The following PDE1C variants were observed in gnomAD, a reference collection of about 807,000 sequenced individuals.
The protein encoded by PDE1C is dual specificity calcium/calmodulin-dependent 3',5'-cyclic nucleotide phosphodiesterase 1C.
Under a neutral mutation model 93.1 loss-of-function variants are expected in PDE1C, and 62 were observed. The ratio of observed to expected loss-of-function variants is 0.67; its 90% CI spans 0.54 to 0.82. PDE1C has a LOEUF of 0.82. Ranked by LOEUF, PDE1C falls within the 40% of genes least tolerant of loss-of-function variation. The pLI is 0.00. For missense variants in PDE1C, 742 were observed against 884.6 expected (o/e 0.84, Z 2.04); for synonymous variants, 325 against 310.1 (o/e 1.05, Z -0.50).
intron 3 of PDE1C, among the ~76,000 whole-genome samples, chr7:32,145,850 G>A (rs1041475054): frequency 1.3e-5 from 2 of 152,070 alleles, no homozygotes; most frequent in African/African-American, 2.4e-5. Flanking sequence ...AGGGTTGAAC[G>A]TCCAGACTTC....
intron 1 of PDE1C, among the ~76,000 whole-genome samples, chr7:32,376,791 C>T (rs2128089147): frequency 6.6e-6 from 1 of 152,234 alleles, no homozygotes; most frequent in South Asian, 2.1e-4. Context: ...AGGTTCACGC[C>T]ATTCTCCCGC....
intron 1 of PDE1C, among the ~76,000 whole-genome samples, chr7:32,272,874 G>C (rs964162011): frequency 3.9e-5 from 6 of 152,206 alleles, no homozygotes; most frequent in African/African-American, 1.4e-4. Flanking sequence ...TTCTTATTGT[G>C]TATAAATATT....
intron 1 of PDE1C, among the ~76,000 whole-genome samples, chr7:32,297,234 C>A (rs1812649417): frequency 6.6e-6 from 1 of 152,114 alleles, no homozygotes; most frequent in Admixed American, 6.6e-5. Context: ...ACAAAAGAGG[C>A]CCTGAGATGA....
At chr7:32,398,686 G>A (rs750198993) in intron 1 of PDE1C, among the ~76,000 whole-genome samples, 10 of 152,092 alleles carry the variant, frequency 6.6e-5, no homozygotes, top group African/African-American at 1.2e-4. Flanking sequence ...ACGGTGCCCG[G>A]CCAGAACTGT....
chr7:31,703,202 C>T, the PDE1C span, among the ~76,000 whole-genome samples: 1 of 152,238 alleles, frequency 6.6e-6, no homozygotes, highest in Non-Finnish European at 1.5e-5. Flanking sequence ...TCCTTCCATT[C>T]TCTGTTCAAT....
the PDE1C span, among the ~76,000 whole-genome samples, chr7:31,722,558 G>A: frequency 1.3e-5 from 2 of 152,176 alleles, no homozygotes; most frequent in Non-Finnish European, 2.9e-5. Context: ...TATAACAAGG[G>A]AGCCTGACCT....
chr7:32,387,553 G>GC (rs558164775), intron 1 of PDE1C, among the ~76,000 whole-genome samples: 8 of 125,464 alleles, frequency 6.4e-5, no homozygotes, highest in African/African-American at 1.3e-4. Context: ...GGGCAGAGGG[G>GC]TCCTCACTTC....
At chr7:32,074,220 T>TA (rs11395554), upstream of PDE1C, among the ~76,000 whole-genome samples, 2,216 of 151,306 alleles carry the variant, frequency 0.015, 52 homozygotes, top group African/African-American at 0.048. Flanking sequence ...GTTAATCTGA[T>TA]AAAAAAAAAT....
chr7:32,158,553 G>A (rs1370656541), intron 3 of PDE1C, among the ~76,000 whole-genome samples: 1 of 152,074 alleles, frequency 6.6e-6, no homozygotes, highest in Non-Finnish European at 1.5e-5. Flanking sequence ...CAACCATGTG[G>A]GAAAGCATAT....
intron 3 of PDE1C, among the ~76,000 whole-genome samples, chr7:32,142,561 T>C (rs1381522970): frequency 6.6e-6 from 1 of 152,180 alleles, no homozygotes; most frequent in Non-Finnish European, 1.5e-5. Flanking sequence ...ACAGGGACAC[T>C]ATCACTCAGT....
intron 1 of PDE1C, among the ~76,000 whole-genome samples, chr7:32,406,606 A>G (rs894323698): frequency 2.0e-5 from 3 of 152,060 alleles, no homozygotes; most frequent in Admixed American, 1.3e-4. Flanking sequence ...ATGAAAAGCA[A>G]TATTTTTCAG....
At chr7:31,651,930 T>C in the PDE1C span, 2 of 1,569,886 alleles carry the variant, frequency 1.3e-6, no homozygotes, top group Non-Finnish European at 1.7e-6. Context: ...TTCTATTATT[T>C]ACTTGCAGGG....
the PDE1C span, among the ~76,000 whole-genome samples, chr7:31,684,274 A>G: frequency 1.3e-5 from 2 of 152,246 alleles, no homozygotes; most frequent in African/African-American, 2.4e-5. Flanking sequence ...GTCTTTGAAA[A>G]TATTCCCTTT....
intron 1 of PDE1C, among the ~76,000 whole-genome samples, chr7:32,227,874 C>T (rs962827756): frequency 2.0e-5 from 3 of 152,172 alleles, no homozygotes; most frequent in South Asian, 4.1e-4. Context: ...GGGAGGGGTG[C>T]ATCTGGGGAA....
intron 2 of PDE1C, among the ~76,000 whole-genome samples, chr7:31,941,943 T>C (rs1372716519): frequency 1.3e-5 from 2 of 152,140 alleles, no homozygotes; most frequent in African/African-American, 4.8e-5. Context: ...AATTATACAA[T>C]AAATACTGTA....
intron 16 of PDE1C, among the ~76,000 whole-genome samples, chr7:31,806,041 G>A (rs1786782387): frequency 6.6e-6 from 1 of 151,898 alleles, no homozygotes; most frequent in South Asian, 2.1e-4. Context: ...TTCATAGACT[G>A]TCTTGCCGAC....
intron 1 of PDE1C, among the ~76,000 whole-genome samples, chr7:32,413,976 G>A (rs1276593578): frequency 6.6e-6 from 1 of 152,086 alleles, no homozygotes; most frequent in East Asian, 1.9e-4. Context: ...ACTTTCAGAG[G>A]CTGAGGCAGG....
At chr7:32,379,018 T>A (rs1283074201) in intron 1 of PDE1C, among the ~76,000 whole-genome samples, 2 of 152,218 alleles carry the variant, frequency 1.3e-5, no homozygotes, top group Non-Finnish European at 1.5e-5. Flanking sequence ...CCATTGCTCT[T>A]ATTATGAAGT....
the PDE1C span, among the ~76,000 whole-genome samples, chr7:31,626,353 A>G: frequency 9.2e-5 from 14 of 152,358 alleles, no homozygotes; most frequent in African/African-American, 3.4e-4. Flanking sequence ...GACCATAATC[A>G]TGCTTTAACT....
Sources: gnomAD v4.1 joint callset for allele counts (sites outside exome capture counted in the v4.1 genomes callset) on GRCh38, gnomAD v4.1.1 for gene constraint, MANE v1.5 for transcripts, NCBI Gene and HGNC (gene_info 2026-07-23, HGNC 2026-07-21) for gene names.